Variants in PCDH7 observed in about 807,000 individuals in gnomAD.
PCDH7 encodes protocadherin-7.
A neutral mutation model predicts 58.9 loss-of-function variants in PCDH7; 17 were observed. The observed-to-expected ratio is 0.29, with a 90% CI of 0.20 to 0.43. The LOEUF (loss-of-function observed/expected upper bound fraction) is 0.43. PCDH7 is among the 20% of genes least tolerant of loss of function. The pLI is 1.00. For synonymous variants in PCDH7, 664 were observed against 616.4 expected (o/e 1.08, Z -1.14); for missense variants, 1,274 against 1,441.0 (o/e 0.88, Z 1.88).
At chr4:31,003,326 T>G (rs10023743) in intron 3 of PCDH7, among the ~76,000 whole-genome samples, 80,109 of 151,768 alleles carry the variant, frequency 0.53, 25,089 homozygotes, top group African/African-American at 0.87. Context: ...TAGAGAGACA[T>G]TGACTTCTGA....
chr4:31,016,911 CTG>C (rs990242910), intron 3 of PCDH7, among the ~76,000 whole-genome samples: 21 of 135,182 alleles, frequency 1.6e-4, no homozygotes, highest in Non-Finnish European at 1.4e-4. Flanking sequence ...TGTGTGTGTG[CTG>C]TGTGTGTGTA....
At chr4:31,038,197 T>A (rs919170806) in intron 3 of PCDH7, among the ~76,000 whole-genome samples, 2 of 152,314 alleles carry the variant, frequency 1.3e-5, no homozygotes, top group South Asian at 2.1e-4. Context: ...TCCGAGGAGA[T>A]TGTTTGATAT....
chr4:30,727,707 C>T (rs1252570423), intron 1 of PCDH7, among the ~76,000 whole-genome samples: 2 of 151,862 alleles, frequency 1.3e-5, no homozygotes, highest in African/African-American at 4.8e-5. Context: ...AGAAGTACAA[C>T]TGTGTTTTTC....
At chr4:31,024,717 C>T (rs1023996948) in intron 3 of PCDH7, among the ~76,000 whole-genome samples, 14 of 152,068 alleles carry the variant, frequency 9.2e-5, no homozygotes, top group Non-Finnish European at 1.9e-4. Context: ...AAGAAATTCT[C>T]ATAGGAACCT....
At chr4:30,800,587 T>C (rs886434513) in intron 1 of PCDH7, among the ~76,000 whole-genome samples, 1 of 152,114 alleles carries the variant, frequency 6.6e-6, no homozygotes, top group Non-Finnish European at 1.5e-5. Flanking sequence ...AAGACAGAGA[T>C]AGACAGGAAA....
At chr4:30,817,622 T>C (rs1269478146) in intron 1 of PCDH7, among the ~76,000 whole-genome samples, 1 of 152,140 alleles carries the variant, frequency 6.6e-6, no homozygotes, top group Non-Finnish European at 1.5e-5. Flanking sequence ...GAGACGACTA[T>C]TCAACCTCTG....
intron 3 of PCDH7, among the ~76,000 whole-genome samples, chr4:31,123,048 A>AT (rs1314960939): frequency 6.6e-6 from 1 of 152,044 alleles, no homozygotes; most frequent in Admixed American, 6.6e-5. Flanking sequence ...TACAATGTGC[A>AT]TTTTAATATT....
chr4:30,788,691 A>G (rs1723734786), intron 1 of PCDH7, among the ~76,000 whole-genome samples: 1 of 152,102 alleles, frequency 6.6e-6, no homozygotes, highest in South Asian at 2.1e-4. Flanking sequence ...TTTATCTTAG[A>G]CACTTAAGAT....
intron 1 of PCDH7, among the ~76,000 whole-genome samples, chr4:30,840,705 A>G (rs1283108318): frequency 1.3e-5 from 2 of 152,082 alleles, no homozygotes; most frequent in Non-Finnish European, 2.9e-5. Context: ...TTTTTTTTGC[A>G]GATATTTTAA....
chr4:31,094,693 A>G (rs977091853), intron 3 of PCDH7, among the ~76,000 whole-genome samples: 4 of 152,088 alleles, frequency 2.6e-5, no homozygotes, highest in Admixed American at 2.6e-4. Context: ...CTTCGTCCAG[A>G]TACCACTGAT....
intron 1 of PCDH7, among the ~76,000 whole-genome samples, chr4:30,816,683 C>T (rs1727716688): frequency 1.3e-5 from 2 of 151,632 alleles, no homozygotes; most frequent in South Asian, 2.1e-4. Flanking sequence ...ATCCAAACAG[C>T]GATTATATAT....
intron 1 of PCDH7, among the ~76,000 whole-genome samples, chr4:30,727,903 A>C (rs1031721739): frequency 1.1e-4 from 16 of 151,856 alleles, no homozygotes; most frequent in African/African-American, 3.9e-4. Flanking sequence ...CTTATCCTTG[A>C]TAGGCTGTTA....
At chr4:30,954,200 A>G (rs147416026) in intron 3 of PCDH7, among the ~76,000 whole-genome samples, 299 of 152,252 alleles carry the variant, frequency 2.0e-3, no homozygotes, top group African/African-American at 6.5e-3. Context: ...TGCAGAATAT[A>G]TGGCCTTTTC....
chr4:30,764,816 G>C (rs1020847315), intron 1 of PCDH7, among the ~76,000 whole-genome samples: 1 of 152,010 alleles, frequency 6.6e-6, no homozygotes, highest in African/African-American at 2.4e-5. Context: ...CCCCTCCCTG[G>C]TTCAAGCTAT....
At chr4:30,888,357 C>T (rs918794479) in intron 1 of PCDH7, among the ~76,000 whole-genome samples, 1 of 151,966 alleles carries the variant, frequency 6.6e-6, no homozygotes, top group African/African-American at 2.4e-5. Flanking sequence ...TGAACTTGAC[C>T]ACAAGAAAGT....
intron 1 of PCDH7, among the ~76,000 whole-genome samples, chr4:30,755,210 G>A (rs898420276): frequency 3.3e-5 from 5 of 152,168 alleles, no homozygotes; most frequent in African/African-American, 1.2e-4. Flanking sequence ...AAACTTACAT[G>A]TGCTTGATCT....
chr4:30,873,185 A>G (rs1735841541), intron 1 of PCDH7, among the ~76,000 whole-genome samples: 1 of 152,070 alleles, frequency 6.6e-6, no homozygotes, highest in Non-Finnish European at 1.5e-5. Context: ...CAATGGCATA[A>G]AACTGTGAAG....
intron 2 of PCDH7, among the ~76,000 whole-genome samples, chr4:30,923,757 C>A (rs771683494): frequency 1.1e-4 from 17 of 152,104 alleles, no homozygotes; most frequent in African/African-American, 2.9e-4. Flanking sequence ...ATATATATTT[C>A]TTTGCCTTTA....
At chr4:31,128,274 G>T (rs544021346) in intron 3 of PCDH7, among the ~76,000 whole-genome samples, 3 of 152,062 alleles carry the variant, frequency 2.0e-5, no homozygotes, top group African/African-American at 7.2e-5. Context: ...ATGGGTCATG[G>T]CGCTCAGTTG....
Sources: gnomAD v4.1 joint callset for allele counts (sites outside exome capture counted in the v4.1 genomes callset) on GRCh38, gnomAD v4.1.1 for gene constraint, MANE v1.5 for transcripts, NCBI Gene and HGNC (gene_info 2026-07-23, HGNC 2026-07-21) for gene names.